DST: variants seen among roughly 807,000 people sequenced by gnomAD.
DST encodes the protein dystonin.
DST carries 253 observed loss-of-function variants against 875.2 expected under a neutral mutation model. That is an observed-to-expected ratio of 0.29 (90% CI 0.26 to 0.32). The LOEUF (loss-of-function observed/expected upper bound fraction) is 0.32. DST is among the 10% of genes least tolerant of loss of function. The pLI is 1.00. For synonymous variants in DST, 3,124 were observed against 3,197.1 expected (o/e 0.98, Z 0.77); for missense variants, 8,287 against 9,111.6 (o/e 0.91, Z 3.68).
intron 43 of DST, among the ~76,000 whole-genome samples, chr6:56,602,224 A>G (rs1249102555): frequency 6.6e-6 from 1 of 151,792 alleles, no homozygotes; most frequent in Admixed American, 6.6e-5. Flanking sequence ...ACAACATATA[A>G]ACACAGTCAT....
chr6:56,598,767 C>T, intron 45 of DST, 58 bp from the exon 46 acceptor site: 1 of 1,071,570 alleles, frequency 9.3e-7, no homozygotes, highest in South Asian at 2.0e-5. Flanking sequence ...TTAGTTCTTC[C>T]AGAGTTGTAA....
At chr6:56,801,593 C>G (rs560528553) in intron 4 of DST, among the ~76,000 whole-genome samples, 3 of 152,064 alleles carry the variant, frequency 2.0e-5, no homozygotes, top group South Asian at 4.2e-4. Flanking sequence ...ATCTTTATAA[C>G]TACATGGAGA....
At chr6:56,855,447 T>G (rs1430225366) in intron 3 of DST, among the ~76,000 whole-genome samples, 1 of 152,148 alleles carries the variant, frequency 6.6e-6, no homozygotes, top group Non-Finnish European at 1.5e-5. Flanking sequence ...TTTTGGTGAA[T>G]CAGTAAATGA....
In DST at chr6:56,619,844, G is replaced by GT. The variant is rs772099949; in HGVS notation, c.4929+4685dup. 1.2e-5 allele frequency: 19 copies of GT among 1,613,934 alleles called. No individual in the cohort carries two copies. The highest frequency in any genetic ancestry group is 1.4e-5 in the Non-Finnish European group (16 of 1,180,016). Reference sequence around the variant, plus strand: ...CAAACGAGCCTTTTCCTCAGATGACGTTTTTTCAAGCTGGAGGGCATTAAG... The same window carrying GT: ...CAAACGAGCCTTTTCCTCAGATGACGTTTTTTTCAAGCTGGAGGGCATTAAG... On this transcript the variant is annotated intron_variant, in intron 36 of 103. Coordinates refer to ENST00000680361, the MANE Select transcript of DST (RefSeq NM_001374736.1).
At chr6:56,658,940 G>C (rs887588615) in intron 10 of DST, among the ~76,000 whole-genome samples, 2 of 152,166 alleles carry the variant, frequency 1.3e-5, no homozygotes, top group Admixed American at 6.5e-5. Context: ...GCAGCCAGGG[G>C]AACATGGTAA....
In DST at chr6:56,471,193, G is replaced by T. The variant is rs2094873611; in HGVS notation, c.22234C>A (p.Arg7412=). ...ATTCTCCTGAAGAAGTCCATCACTCGAGATTTCTTGTGATTCATCCATCGC... is the reference window on the plus strand; with the variant it reads ...ATTCTCCTGAAGAAGTCCATCACTCTAGATTTCTTGTGATTCATCCATCGC... ...YMRWMNHKKS[R]VMDFFRRIDK... Residue 7412 remains arginine (R), a synonymous_variant, in exon 95 of 104, where the codon CGA becomes AGA. Transcript: ENST00000680361. The T allele has an allele frequency of 6.2e-7, 1 of 1,605,964 alleles. No homozygotes were observed. The highest frequency in any genetic ancestry group is 8.5e-7 in the Non-Finnish European group (1 of 1,175,574).
At chr6:56,882,786 A>G (rs534895251) in intron 3 of DST, among the ~76,000 whole-genome samples, 1 of 152,342 alleles carries the variant, frequency 6.6e-6, no homozygotes, top group African/African-American at 2.4e-5. Flanking sequence ...GAAGAATTCT[A>G]TTTACTAAGA....
chr6:56,877,012 CCATT>C (rs1779899886), intron 3 of DST, among the ~76,000 whole-genome samples: 2 of 152,032 alleles, frequency 1.3e-5, no homozygotes, highest in South Asian at 4.1e-4. Flanking sequence ...CATTTTTTCC[CCATT>C]CATTTTTAAA....
chr6:56,604,424 C>A lies in DST; in HGVS notation c.10204G>T (p.Ala3402Ser). 1 of 1,609,512 alleles carries A rather than the reference C, an allele frequency of 6.2e-7. No individual in the cohort carries two copies. Among genetic ancestry groups the A allele is most frequent in the Non-Finnish European group, 8.5e-7 (1 of 1,177,384 alleles). ...TGAGAGTCGCTGGGCACAGTAGATGCCTCATTTACCAACTGTGATGTGGTA... is the reference window on the plus strand; with the variant it reads ...TGAGAGTCGCTGGGCACAGTAGATGACTCATTTACCAACTGTGATGTGGTA... ...RITTSQLVNE[A>S]STVPSDSQMS... Residue 3402 changes from alanine to serine, a missense_variant, in exon 40 of 104, where the codon GCA (alanine) becomes TCA (serine). Ala to Ser is a moderately conservative substitution (Grantham distance 99, BLOSUM62 1). This residue lies in a region of DST where 3,138 missense variants were observed against 3,116.6 expected (regional missense o/e 1.01). Transcript: ENST00000680361.
chr6:56,634,105 C>T (rs1295578660), intron 27 of DST, 27 bp downstream of exon 27: 28 of 1,611,792 alleles, frequency 1.7e-5, no homozygotes, highest in South Asian at 8.8e-5. Context: ...TTGGACATAT[C>T]GAGTTGACAT....
At chr6:56,571,391 G>A (rs2097779371) in intron 53 of DST, among the ~76,000 whole-genome samples, 1 of 152,194 alleles carries the variant, frequency 6.6e-6, no homozygotes, top group African/African-American at 2.4e-5. Flanking sequence ...ATATAGCTCT[G>A]TGAGAAGTAA....
intron 4 of DST, among the ~76,000 whole-genome samples, chr6:56,741,094 A>T (rs921803734): frequency 6.6e-6 from 1 of 152,198 alleles, no homozygotes; most frequent in African/African-American, 2.4e-5. Flanking sequence ...AACATGAGGT[A>T]AAACAGATTC....
intron 2 of DST, among the ~76,000 whole-genome samples, chr6:56,916,817 CACACACAG>C (rs1294743941): frequency 2.0e-5 from 3 of 149,600 alleles, no homozygotes; most frequent in South Asian, 2.1e-4. Context: ...CACACACACA[CACACACAG>C]AGAGACAGAG....
chr6:56,633,387 C>T (rs1210172887), intron 27 of DST, among the ~76,000 whole-genome samples: 3 of 150,896 alleles, frequency 2.0e-5, no homozygotes, highest in African/African-American at 2.5e-5. Flanking sequence ...CCACTACGCC[C>T]GGCTAATTTT....
At chr6:56,809,820 ACTT>A (rs1196910862) in intron 4 of DST, among the ~76,000 whole-genome samples, 10 of 152,092 alleles carry the variant, frequency 6.6e-5, no homozygotes, top group Non-Finnish European at 1.3e-4. Flanking sequence ...TTTTAAATAA[ACTT>A]CTTTCTGCTT....
chr6:56,712,725 A>G (rs1315013046), intron 5 of DST, among the ~76,000 whole-genome samples: 1 of 152,172 alleles, frequency 6.6e-6, no homozygotes, highest in African/African-American at 2.4e-5. Flanking sequence ...CTTTTACTGA[A>G]AAGCTTTTAA....
chr6:56,643,010 G>C lies in DST; in HGVS notation c.1779-507C>G, dbSNP rs2098921102. ...GCCTAAAGCCATTCGTTTGCTAGCT[G>C]AGGTTTGCCTTTTGTAGCTTGTATT... On this transcript the variant is annotated intron_variant, in intron 15 of 103. Coordinates refer to ENST00000680361, the MANE Select transcript of DST (RefSeq NM_001374736.1). The C allele has an allele frequency of 4.4e-6, 5 of 1,139,036 alleles. No homozygotes were observed. The South Asian group carries it at 6.6e-5, about 15-fold the overall frequency. The allele number at this position is 1,139,036 out of a possible 1,614,324, so 70.6% of individuals were successfully genotyped here.
rs1324567768 is a variant in DST, at chr6:56,600,059, C to A, written c.11694+10G>T. 3.1e-6 allele frequency: 5 copies of A among 1,607,360 alleles called. No homozygotes were observed. The highest frequency in any genetic ancestry group is 4.2e-6 in the Non-Finnish European group (5 of 1,176,734). ...CAACATAGATCTGCTGATAGAAAAC[C>A]AAATTCTACCTCTTGCTTGGACTGA... is the stretch of plus-strand genomic sequence containing the variant. On this transcript the variant is annotated intron_variant, in intron 45 of 103. Transcript: ENST00000680361.
chr6:56,620,559 C>G (rs1335669730), intron 36 of DST: 1 of 1,614,026 alleles, frequency 6.2e-7, no homozygotes, highest in South Asian at 1.1e-5. Flanking sequence ...GGAAGTTCTT[C>G]CTCTACTCGG....
Sources: allele counts gnomAD v4.1 joint callset (sites outside exome capture counted in the v4.1 genomes callset), GRCh38; gene constraint gnomAD v4.1.1; regional missense constraint gnomAD v4.1.1; transcripts MANE v1.5; gene names NCBI Gene and HGNC (gene_info 2026-07-23, HGNC 2026-07-21).